Variants in PAQR5 observed in about 807,000 individuals in gnomAD.
PAQR5 encodes membrane progestin receptor gamma.
A neutral mutation model predicts 34.5 loss-of-function variants in PAQR5; 20 were observed. The ratio of observed to expected loss-of-function variants is 0.58; its 90% CI spans 0.41 to 0.84. The LOEUF is 0.84. PAQR5 is among the 40% of genes least tolerant of loss of function. PAQR5 has a pLI of 0.00. For synonymous variants in PAQR5, 131 were observed against 155.6 expected (o/e 0.84, Z 1.18); for missense variants, 378 against 412.7 (o/e 0.92, Z 0.73).
At position 69,404,846 on chromosome 15, in the gene PAQR5, C is replaced by A. The variant is rs1437375012; in HGVS notation, c.*1024C>A. The A allele has an allele frequency of 5.0e-6, 2 of 397,630 alleles. No homozygotes were observed. Among genetic ancestry groups the A allele is most frequent in the Non-Finnish European group, 8.9e-6 (2 of 225,810 alleles). The allele number at this position is 397,630 out of a possible 1,614,324, so 24.6% of individuals were successfully genotyped here. ...ACAAATGCAGACTCCTAGGGAAAAC[C>A]AGGGGGTTCTGCTTCACTAGGTTAA... On this transcript the variant is annotated 3_prime_UTR_variant, in exon 9 of 9. Transcript: ENST00000395407.
chr15:69,381,492 G>C (rs2055882783), intron 4 of PAQR5, among the ~76,000 whole-genome samples: 1 of 152,204 alleles, frequency 6.6e-6, no homozygotes, highest in African/African-American at 2.4e-5. Flanking sequence ...GCTGCTAAAA[G>C]GGTACCAGCC....
intron 1 of PAQR5, among the ~76,000 whole-genome samples, chr15:69,328,845 G>A (rs935135307): frequency 1.3e-5 from 2 of 152,212 alleles, no homozygotes; most frequent in Non-Finnish European, 2.9e-5. Flanking sequence ...AGAGGGCAAG[G>A]CCAGTGCAGC....
chr15:69,407,075 G>A lies in PAQR5; in HGVS notation c.*3253G>A, dbSNP rs2056758281. ...GTAGTAGAATGGCATTGTCAGATAT[G>A]TTCAAGAAACCCTTCATTTGACACT... On this transcript the variant is annotated 3_prime_UTR_variant, in exon 9 of 9. Transcript: ENST00000395407. The A allele has an allele frequency of 6.6e-6, 1 of 152,166 alleles. No individual in the cohort carries two copies. Among genetic ancestry groups the A allele is most frequent in the Non-Finnish European group, 1.5e-5 (1 of 68,046 alleles). 9.4% of individuals were successfully genotyped at this position (152,166 alleles called of 1,614,324 possible).
intron 1 of PAQR5, among the ~76,000 whole-genome samples, chr15:69,317,276 G>C (rs530590717): frequency 4.6e-5 from 7 of 152,328 alleles, no homozygotes; most frequent in Non-Finnish European, 1.0e-4. Flanking sequence ...ACACACCAGG[G>C]GGAGTGGTTG....
At chr15:69,392,174 C>T (rs1449643267) in intron 6 of PAQR5, 6 of 165,394 alleles carry the variant, frequency 3.6e-5, no homozygotes, top group South Asian at 1.4e-4. Flanking sequence ...GACAAGGTTT[C>T]GCCATGTTGG....
intron 1 of PAQR5, among the ~76,000 whole-genome samples, chr15:69,326,180 G>A (rs1267025204): frequency 1.3e-5 from 2 of 152,142 alleles, no homozygotes; most frequent in East Asian, 1.9e-4. Flanking sequence ...AAAGACGCCA[G>A]CCAAATTTGC....
chr15:69,394,566 G>T (rs1376797605), intron 6 of PAQR5, among the ~76,000 whole-genome samples: 1 of 152,158 alleles, frequency 6.6e-6, no homozygotes, highest in Non-Finnish European at 1.5e-5. Flanking sequence ...CAGCTTTTTT[G>T]TCAGATTGTG....
In PAQR5 at chr15:69,407,644, G is replaced by A. The variant is rs1436215172; in HGVS notation, c.*3822G>A. The A allele has an allele frequency of 6.6e-6, 1 of 152,112 alleles. No individual in the cohort carries two copies. Among genetic ancestry groups the A allele is most frequent in the Non-Finnish European group, 1.5e-5 (1 of 68,014 alleles). 9.4% of individuals were successfully genotyped at this position (152,112 alleles called of 1,614,324 possible). ...AACAGAATTTATTTATTATCATAAA[G>A]TCATCCTGTTTGCCACTTAATTTGG... On this transcript the variant is annotated 3_prime_UTR_variant, in exon 9 of 9. Coordinates refer to ENST00000395407, the MANE Select transcript of PAQR5 (RefSeq NM_017705.4).
At chr15:69,343,798 C>T (rs1230581237) in intron 2 of PAQR5, among the ~76,000 whole-genome samples, 1 of 152,106 alleles carries the variant, frequency 6.6e-6, no homozygotes, top group Non-Finnish European at 1.5e-5. Context: ...GATTGAAATA[C>T]AATCCTAGGT....
At chr15:69,301,911 A>G (rs2053614608) in intron 1 of PAQR5, among the ~76,000 whole-genome samples, 3 of 120,818 alleles carry the variant, frequency 2.5e-5, no homozygotes, top group Admixed American at 9.0e-5. Context: ...CAGTGTTAGG[A>G]GTCAAGAATG....
intron 2 of PAQR5, among the ~76,000 whole-genome samples, chr15:69,351,726 C>T (rs1439370363): frequency 6.6e-6 from 1 of 152,192 alleles, no homozygotes; most frequent in Non-Finnish European, 1.5e-5. Context: ...ATTTGTAAGA[C>T]ATTTGCTTAC....
intron 2 of PAQR5, among the ~76,000 whole-genome samples, chr15:69,351,737 A>G (rs990159897): frequency 1.9e-4 from 29 of 152,320 alleles, no homozygotes; most frequent in African/African-American, 6.0e-4. Context: ...ATTTGCTTAC[A>G]TAGAGGGTGA....
At chr15:69,322,357 G>A (rs547554339) in intron 1 of PAQR5, among the ~76,000 whole-genome samples, 9 of 149,086 alleles carry the variant, frequency 6.0e-5, no homozygotes, top group African/African-American at 1.0e-4. Context: ...GCGCGGTAGC[G>A]GGCACCTGTA....
At chr15:69,355,344 T>TTTTTTTC (rs2055043024) in intron 2 of PAQR5, among the ~76,000 whole-genome samples, 20 of 56,214 alleles carry the variant, frequency 3.6e-4, no homozygotes, top group African/African-American at 1.2e-3. Flanking sequence ...TTCTTTCTTT[T>TTTTTTTC]TTTCTTTCTT....
At chr15:69,326,833 G>A (rs199626553) in intron 1 of PAQR5, among the ~76,000 whole-genome samples, 1 of 7,232 alleles carries the variant, frequency 1.4e-4, no homozygotes, top group African/African-American at 3.1e-4. Flanking sequence ...CCCCACCCCC[G>A]TTATTAACAT....
chr15:69,321,459 T>C (rs2054094450), intron 1 of PAQR5, among the ~76,000 whole-genome samples: 2 of 152,238 alleles, frequency 1.3e-5, no homozygotes, highest in Non-Finnish European at 2.9e-5. Flanking sequence ...TACTTCAGTA[T>C]ACATCTCCAA....
rs1566997881 is a variant in PAQR5, at chr15:69,322,759, A to ACG, written c.-276-14582_-276-14581insCG. 4.3e-5 allele frequency among the ~76,000 whole-genome samples: 2 copies of ACG among 46,870 alleles called. 1 individual carries two copies. Among genetic ancestry groups the ACG allele is most frequent in the East Asian group, 1.6e-3 (2 of 1,240 alleles). 30.7% of individuals were successfully genotyped at this position (46,870 alleles called of 152,430 possible). ...GAAGAAGAAGAAGAAGAAGAAGAAG[A>ACG]AGAAGAAGAAGAGGGAGAAGAAGAA... On this transcript the variant is annotated intron_variant, in intron 1 of 8. Transcript: ENST00000395407.
chr15:69,373,819 G>A (rs2140896973), intron 3 of PAQR5, among the ~76,000 whole-genome samples: 1 of 152,250 alleles, frequency 6.6e-6, no homozygotes, highest in Admixed American at 6.5e-5. Context: ...GGCCAGACTG[G>A]TCTCGAACTC....
chr15:69,369,986 ACTT>A (rs2055513221), intron 3 of PAQR5, among the ~76,000 whole-genome samples: 3 of 151,898 alleles, frequency 2.0e-5, no homozygotes, highest in African/African-American at 7.3e-5. Flanking sequence ...GGGCTTTGTG[ACTT>A]CTTTACTTTT....
Sources: gnomAD v4.1 joint callset for allele counts (sites outside exome capture counted in the v4.1 genomes callset) on GRCh38, gnomAD v4.1.1 for gene constraint, MANE v1.5 for transcripts, NCBI Gene and HGNC (gene_info 2026-07-23, HGNC 2026-07-21) for gene names.